TENM3: variants seen among roughly 807,000 people sequenced by gnomAD.
The protein encoded by TENM3 is teneurin transmembrane protein 3, also known as teneurin-3.
A neutral mutation model predicts 255.1 loss-of-function variants in TENM3; 63 were observed. The observed-to-expected ratio is 0.25, with a 90% confidence interval of 0.20 to 0.30. The LOEUF (loss-of-function observed/expected upper bound fraction) is 0.30. Ranked by LOEUF, TENM3 falls within the 10% of genes least tolerant of loss-of-function variation. TENM3 has a pLI of 1.00. For missense variants in TENM3, 2,929 were observed against 3,461.1 expected (o/e 0.85, Z 3.86); for synonymous variants, 1,306 against 1,322.3 (o/e 0.99, Z 0.27).
chr4:181,600,931 T>A, the TENM3 span, among the ~76,000 whole-genome samples: 5 of 152,134 alleles, frequency 3.3e-5, no homozygotes, highest in South Asian at 1.0e-3. Context: ...TGGTCTAGCT[T>A]CTGCTTATTC....
the TENM3 span, among the ~76,000 whole-genome samples, chr4:181,866,661 A>C: frequency 0.014 from 2,113 of 152,200 alleles, 51 homozygotes; most frequent in African/African-American, 0.049. Flanking sequence ...CCATTGCCCC[A>C]CATTTTTTAC....
the TENM3 span, among the ~76,000 whole-genome samples, chr4:181,850,428 A>C: frequency 1.3e-5 from 2 of 152,116 alleles, no homozygotes; most frequent in African/African-American, 4.8e-5. Flanking sequence ...TTCATATGAC[A>C]TTTAAAATAT....
At position 182,521,369 on chromosome 4, in the gene TENM3, G is replaced by A. The variant is rs191720295; in HGVS notation, c.512-79555G>A. On this transcript the variant is annotated intron_variant, in intron 3 of 27. Coordinates refer to ENST00000511685, the MANE Select transcript of TENM3 (RefSeq NM_001080477.4). ...ACACTGACTTTAGTAGTTGTCTTTG[G>A]TACTAAAACATTAGATGAAAAGGAT... is the stretch of plus-strand genomic sequence containing the variant. Among the ~76,000 whole-genome samples, 454 of 152,264 alleles carry A rather than the reference G, an allele frequency of 3.0e-3. 1 individual carries two copies. Among genetic ancestry groups the A allele is most frequent in the Non-Finnish European group, 5.3e-3 (358 of 68,014 alleles).
chr4:181,723,283 G>A, the TENM3 span, among the ~76,000 whole-genome samples: 1 of 150,420 alleles, frequency 6.6e-6, no homozygotes, highest in Non-Finnish European at 1.5e-5. Context: ...ACTGCATCTC[G>A]TGTGACCCTG....
chr4:182,666,712 C>T (rs1410324422), intron 6 of TENM3, among the ~76,000 whole-genome samples: 1 of 151,984 alleles, frequency 6.6e-6, no homozygotes, highest in Non-Finnish European at 1.5e-5. Context: ...GCCTAGACGA[C>T]ATGTTGAAAC....
Position 182,775,073 on chromosome 4 carries a change from A to G in TENM3, c.5224A>G (p.Asn1742Asp), listed in dbSNP as rs1323610896. ...AKRNMTLPGE[N>D]GQNLVEWRFR... ...AAGAAACATGACTTTGCCTGGCGAG[A>G]ACGGTCAAAACTTGGTGGAATGGAG... The change falls in exon 24 of 28, where the codon AAC (asparagine) becomes GAC (aspartate). Residue 1742 changes from asparagine to aspartate, a missense_variant. Asn to Asp is a conservative substitution (Grantham distance 23). Transcript: ENST00000511685. The G allele has an allele frequency of 1.2e-6, 2 of 1,613,994 alleles. No homozygotes were observed. Among genetic ancestry groups the G allele is most frequent in the Non-Finnish European group, 1.7e-6 (2 of 1,179,896 alleles).
At chr4:182,531,279 G>A (rs1739756786) in intron 3 of TENM3, among the ~76,000 whole-genome samples, 1 of 152,126 alleles carries the variant, frequency 6.6e-6, no homozygotes, top group Non-Finnish European at 1.5e-5. Flanking sequence ...GAAAAAATTA[G>A]GTCCTAAAGT....
chr4:181,614,888 A>T, the TENM3 span, among the ~76,000 whole-genome samples: 1 of 152,174 alleles, frequency 6.6e-6, no homozygotes, highest in African/African-American at 2.4e-5. Context: ...AAGTATAGGG[A>T]GAAGACTGGT....
the TENM3 span, among the ~76,000 whole-genome samples, chr4:181,942,566 T>C: frequency 1.5e-3 from 236 of 152,272 alleles, no homozygotes; most frequent in African/African-American, 5.6e-3. Flanking sequence ...TCAGACTGCA[T>C]ATAGTGAGTT....
At chr4:182,466,596 T>C (rs1417118943) in intron 3 of TENM3, among the ~76,000 whole-genome samples, 1 of 152,130 alleles carries the variant, frequency 6.6e-6, no homozygotes, top group Non-Finnish European at 1.5e-5. Context: ...CCTCCCAAAG[T>C]GCTGGGATTA....
intron 3 of TENM3, among the ~76,000 whole-genome samples, chr4:182,537,194 A>C (rs151189465): frequency 7.9e-5 from 12 of 152,220 alleles, no homozygotes; most frequent in African/African-American, 2.9e-4. Flanking sequence ...TCCTTTTTGC[A>C]TTCTCTCGTC....
At chr4:181,960,038 C>G in the TENM3 span, among the ~76,000 whole-genome samples, 1 of 152,088 alleles carries the variant, frequency 6.6e-6, no homozygotes, top group African/African-American at 2.4e-5. Flanking sequence ...CTTTATTTTT[C>G]TTTGTGTTAG....
intron 1 of TENM3, among the ~76,000 whole-genome samples, chr4:182,182,387 T>A (rs148600403): frequency 6.6e-6 from 1 of 152,220 alleles, no homozygotes; most frequent in Non-Finnish European, 1.5e-5. Context: ...AAGGGAAGAA[T>A]GGATTCAGGG....
the TENM3 span, among the ~76,000 whole-genome samples, chr4:182,109,239 C>A: frequency 2.7e-5 from 4 of 147,462 alleles, no homozygotes; most frequent in African/African-American, 7.4e-5. Context: ...ATAAATTATG[C>A]TTTACTCTAT....
chr4:181,502,416 C>T, the TENM3 span, among the ~76,000 whole-genome samples: 1 of 152,158 alleles, frequency 6.6e-6, no homozygotes, highest in East Asian at 1.9e-4. Context: ...GTGTGAGCCA[C>T]AAACAGGGCT....
At chr4:182,744,299 T>G (rs1432230533) in intron 19 of TENM3, 2 of 402,776 alleles carry the variant, frequency 5.0e-6, no homozygotes, top group Non-Finnish European at 6.7e-6. Flanking sequence ...TCGAAGGAAT[T>G]AAAAGTGCTT....
the TENM3 span, among the ~76,000 whole-genome samples, chr4:181,541,788 G>T: frequency 0.044 from 6,703 of 152,246 alleles, 224 homozygotes; most frequent in South Asian, 0.15. Context: ...ATTCAACATA[G>T]TTCCTTTAAG....
At chr4:182,403,782 C>T (rs1057196370) in intron 3 of TENM3, among the ~76,000 whole-genome samples, 2 of 152,140 alleles carry the variant, frequency 1.3e-5, no homozygotes, top group Non-Finnish European at 2.9e-5. Context: ...GGTGCAGTGG[C>T]ATGATCATGG....
At position 182,666,470 on chromosome 4, in the gene TENM3, C is replaced by T. The variant is rs187317469; in HGVS notation, c.1112-6535C>T. Among the ~76,000 whole-genome samples the T allele has an allele frequency of 3.7e-3, 567 of 152,326 alleles. 3 individuals are homozygous for T. The highest frequency in any genetic ancestry group is 0.013 in the African/African-American group (525 of 41,572). ...CAGACACTCCAACCTTCAGCAACCA[C>T]CACCTTGATCAATCAGCTGCCGCCT... On this transcript the variant is annotated intron_variant, in intron 6 of 27. Coordinates refer to ENST00000511685, the MANE Select transcript of TENM3 (RefSeq NM_001080477.4).
Sources: allele counts gnomAD v4.1 joint callset (sites outside exome capture counted in the v4.1 genomes callset), GRCh38; gene constraint gnomAD v4.1.1; transcripts MANE v1.5; gene names NCBI Gene and HGNC (gene_info 2026-07-23, HGNC 2026-07-21).